Variants in ADAM10 observed in about 807,000 individuals in gnomAD.
ADAM10 encodes disintegrin and metalloproteinase domain-containing protein 10.
In ADAM10, 17 loss-of-function variants were observed where a neutral mutation model predicts 90.1. The observed-to-expected ratio is 0.19, with a 90% CI of 0.13 to 0.28. The LOEUF (loss-of-function observed/expected upper bound fraction) is 0.28, where lower values mean the gene tolerates loss of function less well. Ranked by LOEUF, ADAM10 falls within the 10% of genes least tolerant of loss-of-function variation. The pLI is 1.00. For synonymous variants in ADAM10, 310 were observed against 298.6 expected, an observed-to-expected ratio of 1.04 and a Z score of -0.40; for missense variants, 610 against 914.3, an observed-to-expected ratio of 0.67 and a Z score of 4.29.
intron 2 of ADAM10, among the ~76,000 whole-genome samples, chr15:58,708,168 C>T (rs1181207377): frequency 6.6e-6 from 1 of 152,052 alleles, no homozygotes; most frequent in Non-Finnish European, 1.5e-5. Flanking sequence ...CTAATGTAAA[C>T]CAACTGTATA....
At chr15:58,616,866 T>C (rs1396989583) in intron 11 of ADAM10, among the ~76,000 whole-genome samples, 2 of 152,130 alleles carry the variant, frequency 1.3e-5, no homozygotes, top group East Asian at 3.8e-4. Flanking sequence ...CCCAGCACTT[T>C]GGGAGGCCGA....
rs117067611 is a variant in ADAM10, at chr15:58,663,073, G to C, written c.585+2024C>G. Among the ~76,000 whole-genome samples, 752 of 152,240 alleles carry C rather than the reference G, an allele frequency of 4.9e-3. 8 individuals are homozygous for C. Among genetic ancestry groups the C allele is most frequent in the Non-Finnish European group, 7.2e-3 (489 of 67,994 alleles). On this transcript the variant is annotated intron_variant, in intron 5 of 15. Coordinates refer to ENST00000260408, the MANE Select transcript of ADAM10 (RefSeq NM_001110.4). ...AATAATTGTTTGAAATATTTTGTTT[G>C]GTTTTCTAGTTGTTTGTTGTAGAAA... is the stretch of plus-strand genomic sequence containing the variant.
rs1039703866 is a variant in ADAM10, at chr15:58,610,108, G to A, written c.2025+189C>T. The A allele has an allele frequency of 5.3e-5, 34 of 644,258 alleles. No individual in the cohort carries two copies. In the South Asian group the frequency reaches 5.6e-4, roughly 11 times the overall value. The allele number at this position is 644,258 out of a possible 1,614,324, so 39.9% of individuals were successfully genotyped here. ...ATCACCTACTAAGCAATCTATGAAT[G>A]ATACACATGATTCTGATCACTTCAG... is the stretch of plus-strand genomic sequence containing the variant. On this transcript the variant is annotated intron_variant, in intron 14 of 15. Coordinates refer to ENST00000260408, the MANE Select transcript of ADAM10 (RefSeq NM_001110.4).
chr15:58,618,201 G>A (rs1407702970), intron 11 of ADAM10, among the ~76,000 whole-genome samples: 1 of 151,040 alleles, frequency 6.6e-6, no homozygotes, highest in Non-Finnish European at 1.5e-5. Context: ...ACAGAATAGA[G>A]AATTCAGAAA....
chr15:58,655,677 CAT>C (rs60720463), intron 5 of ADAM10, among the ~76,000 whole-genome samples: 2 of 72,470 alleles, frequency 2.8e-5, no homozygotes, highest in Non-Finnish European at 4.6e-5. Context: ...TACATACATA[CAT>C]ATATATATTA....
At position 58,593,149 on chromosome 15, in the gene ADAM10, A is replaced by ATTTTTTTTTTTTT. The variant is rs766149223; in HGVS notation, c.*4385_*4397dup. 2.2e-4 allele frequency: 15 copies of ATTTTTTTTTTTTT among 68,466 alleles called. 2 individuals carry two copies. Among genetic ancestry groups the ATTTTTTTTTTTTT allele is most frequent in the South Asian group, 6.5e-4 (1 of 1,550 alleles). 4.2% of individuals were successfully genotyped at this position (68,466 alleles called of 1,614,324 possible). On this transcript the variant is annotated 3_prime_UTR_variant, in exon 16 of 16. Coordinates refer to ENST00000260408, the MANE Select transcript of ADAM10 (RefSeq NM_001110.4). ...AAAGTAACAAAGGCCAGGTACTCAA[A>ATTTTTTTTTTTTT]TTTTTTTTTTTTTTTTTTTTTTTTT...
intron 1 of ADAM10, chr15:58,732,602 G>A (rs1340473154): frequency 6.6e-6 from 1 of 152,258 alleles, no homozygotes; most frequent in African/African-American, 2.4e-5. Context: ...CAGCTACTTG[G>A]GTGGCTGAGG....
At chr15:58,682,819 T>C (rs1300900620) in intron 2 of ADAM10, among the ~76,000 whole-genome samples, 2 of 152,208 alleles carry the variant, frequency 1.3e-5, no homozygotes, top group Non-Finnish European at 2.9e-5. Context: ...CCCTGGGGCT[T>C]CTAATTCTTG....
At chr15:58,731,060 T>C (rs868387492) in intron 1 of ADAM10, among the ~76,000 whole-genome samples, 3 of 152,322 alleles carry the variant, frequency 2.0e-5, no homozygotes, top group Middle Eastern at 6.8e-3. Flanking sequence ...TCCTCTCTCA[T>C]GTATCTATCT....
chr15:58,685,668 A>G (rs1226084791), intron 2 of ADAM10, among the ~76,000 whole-genome samples: 1 of 151,078 alleles, frequency 6.6e-6, no homozygotes. Context: ...ATTTCTTGAC[A>G]GATACACAAT....
chr15:58,730,150 C>T (rs1370826339), intron 1 of ADAM10, among the ~76,000 whole-genome samples: 1 of 152,146 alleles, frequency 6.6e-6, no homozygotes, highest in South Asian at 2.1e-4. Flanking sequence ...CCTGTATATC[C>T]TTATTTCTAC....
chr15:58,620,394 G>A lies in ADAM10; in HGVS notation c.1511+1077C>T, dbSNP rs193205250. On this transcript the variant is annotated intron_variant, in intron 11 of 15. Coordinates refer to ENST00000260408, the MANE Select transcript of ADAM10 (RefSeq NM_001110.4). ...AGGCAGGATAATTGCTTGAACCTGG[G>A]AGGCAGAGGTTGCAGTGAGCTGAAA... is the stretch of plus-strand genomic sequence containing the variant. Among the ~76,000 whole-genome samples the A allele has an allele frequency of 9.9e-5, 15 of 152,024 alleles. No homozygotes were observed. In the East Asian group the frequency reaches 2.9e-3, roughly 30 times the overall value.
intron 1 of ADAM10, among the ~76,000 whole-genome samples, chr15:58,731,521 A>G (rs937850293): frequency 6.6e-6 from 1 of 152,140 alleles, no homozygotes; most frequent in Non-Finnish European, 1.5e-5. Context: ...CCAGCTGCTC[A>G]AGAGGCTGAG....
rs1894860386 is a variant in ADAM10 at position 58,593,127 on chromosome 15, G to A, written c.*4420C>T. 2 of 123,754 alleles carry A rather than the reference G, an allele frequency of 1.6e-5. No homozygotes were observed. The highest frequency in any genetic ancestry group is 1.6e-5 in the Non-Finnish European group (1 of 60,616). 7.7% of individuals were successfully genotyped at this position (123,754 alleles called of 1,614,324 possible). A position where few individuals can be genotyped will look rare whatever the true frequency, so the allele number is the denominator to read the frequency against. ...TTTTTGTCACACACATAGAAAAAAA[G>A]TAACAAAGGCCAGGTACTCAAATTT... On this transcript the variant is annotated 3_prime_UTR_variant, in exon 16 of 16. Transcript: ENST00000260408.
chr15:58,747,925 G>A (rs1226777989), intron 1 of ADAM10: 2 of 152,068 alleles, frequency 1.3e-5, no homozygotes, highest in African/African-American at 2.4e-5. Flanking sequence ...ACCTTATAGA[G>A]AACAGTGTCT....
chr15:58,628,829 C>A (rs1200425013), intron 9 of ADAM10, among the ~76,000 whole-genome samples: 1 of 152,200 alleles, frequency 6.6e-6, no homozygotes, highest in Non-Finnish European at 1.5e-5. Flanking sequence ...CAAGGACGTT[C>A]TGTTTTTTCC....
At chr15:58,641,038 G>T in intron 7 of ADAM10, 78 bp from the exon 8 acceptor site, 1 of 1,326,448 alleles carries the variant, frequency 7.5e-7, no homozygotes, top group Non-Finnish European at 1.1e-6. Flanking sequence ...ACCTTCTTCT[G>T]CGTACACCTG....
chr15:58,701,435 A>G (rs1898132557), intron 2 of ADAM10, among the ~76,000 whole-genome samples: 1 of 152,180 alleles, frequency 6.6e-6, no homozygotes, highest in African/African-American at 2.4e-5. Context: ...AAACCACAAT[A>G]TATCATCTTA....
chr15:58,725,437 T>C (rs1187796066), intron 1 of ADAM10, among the ~76,000 whole-genome samples: 1 of 150,892 alleles, frequency 6.6e-6, no homozygotes, highest in African/African-American at 2.4e-5. Flanking sequence ...TCCCAGCTAT[T>C]CAGGAGGCTG....
Sources: allele counts gnomAD v4.1 joint callset (sites outside exome capture counted in the v4.1 genomes callset), GRCh38; gene constraint gnomAD v4.1.1; transcripts MANE v1.5; gene names NCBI Gene and HGNC (gene_info 2026-07-23, HGNC 2026-07-21).